ZNF624: variants seen among roughly 807,000 people sequenced by gnomAD.
ZNF624 encodes the protein zinc finger protein 624.
In ZNF624, 43 loss-of-function variants were observed where a neutral mutation model predicts 74.7. The ratio of observed to expected loss-of-function variants is 0.58; its 90% CI spans 0.45 to 0.74. ZNF624 has a LOEUF of 0.74. Ranked by LOEUF, ZNF624 falls within the 30% of genes least tolerant of loss-of-function variation. The pLI, the probability that ZNF624 is intolerant of heterozygous loss-of-function variation, is 0.00. For synonymous variants in ZNF624, 331 were observed against 341.3 expected (o/e 0.97, Z 0.33); for missense variants, 820 against 1,030.0 (o/e 0.80, Z 2.79).
intron 5 of ZNF624, among the ~76,000 whole-genome samples, chr17:16,628,775 TAA>T (rs373568155): frequency 1.4e-5 from 2 of 139,010 alleles, no homozygotes; most frequent in Middle Eastern, 3.5e-3. Flanking sequence ...CCACAAGAGA[TAA>T]AAAAAAAAAA....
chr17:16,624,675 G>T (rs979533007), intron 5 of ZNF624, 166 bp from the exon 6 acceptor site: 12 of 621,096 alleles, frequency 1.9e-5, no homozygotes, highest in African/African-American at 1.7e-4. Context: ...AAGGGAGGCT[G>T]GTTTAGCAAA....
At chr17:16,649,590 G>A (rs1909670222) in intron 2 of ZNF624, 68 bp downstream of exon 2, 2 of 1,423,200 alleles carry the variant, frequency 1.4e-6, no homozygotes, top group South Asian at 2.3e-5. Flanking sequence ...GAAGTCGCAA[G>A]CCTTCAGGCA....
At chr17:16,620,371 G>A (rs1908878166), downstream of ZNF624, among the ~76,000 whole-genome samples, 1 of 152,156 alleles carries the variant, frequency 6.6e-6, no homozygotes, top group Non-Finnish European at 1.5e-5. Flanking sequence ...GCAAAGTTCA[G>A]AAGCTTTACA....
At position 16,623,341 on chromosome 17, in the gene ZNF624, G is replaced by A. The variant is rs768684751; in HGVS notation, c.1545C>T (p.Phe515=). The change falls in exon 6 of 6, where the codon TTC becomes TTT. Residue 515 remains phenylalanine, a synonymous_variant. Transcript: ENST00000311331. The surrounding 1 kb of genome is among the most constrained non-coding windows in gnomAD (Gnocchi z 5.3). ...CGKAFNRIAN[F]TEHQRIHTGE... ...CTGTGTGAATTCGCTGATGTTCTGT[G>A]AAATTTGCGATGCGGTTGAATGCTT... is the stretch of plus-strand genomic sequence containing the variant. 1 of 1,613,238 alleles carries A rather than the reference G, an allele frequency of 6.2e-7. No individual in the cohort carries two copies. The highest frequency in any genetic ancestry group is 8.5e-7 in the Non-Finnish European group (1 of 1,179,500).
intron 3 of ZNF624, among the ~76,000 whole-genome samples, chr17:16,637,598 C>T (rs537939572): frequency 6.6e-6 from 1 of 152,120 alleles, no homozygotes; most frequent in African/African-American, 2.4e-5. Context: ...ACAAACCTGA[C>T]AAAAACAAGA....
intron 3 of ZNF624, among the ~76,000 whole-genome samples, chr17:16,640,991 A>G (rs1440365339): frequency 6.6e-6 from 1 of 152,204 alleles, no homozygotes; most frequent in Non-Finnish European, 1.5e-5. Flanking sequence ...AAAATGCCAC[A>G]TATACTACAG....
In ZNF624 at chr17:16,641,125, C is replaced by A. The variant is rs186331272; in HGVS notation, c.153+6204G>T. On this transcript the variant is annotated intron_variant, in intron 3 of 5. Transcript: ENST00000311331. ...CAAATATGTATTTGACAAAATTCAA[C>A]AAACTAAAAATAGAAGCAAACATCA... 5.0e-4 allele frequency among the ~76,000 whole-genome samples: 76 copies of A among 152,288 alleles called. 1 individual carries two copies. The highest frequency in any genetic ancestry group is 1.8e-3 in the African/African-American group (75 of 41,556).
chr17:16,646,651 C>T (rs1909600073), intron 3 of ZNF624, among the ~76,000 whole-genome samples: 2 of 152,156 alleles, frequency 1.3e-5, no homozygotes, highest in African/African-American at 4.8e-5. Flanking sequence ...GACAGTAATA[C>T]CATAACTTTG....
At chr17:16,644,639 T>C (rs1569047872) in intron 3 of ZNF624, among the ~76,000 whole-genome samples, 1 of 152,222 alleles carries the variant, frequency 6.6e-6, no homozygotes, top group Admixed American at 6.5e-5. Flanking sequence ...AAGTTTCTTT[T>C]TGATAGAGTT....
chr17:16,618,163 A>C (rs1908830683), downstream of ZNF624, among the ~76,000 whole-genome samples: 1 of 151,918 alleles, frequency 6.6e-6, no homozygotes, highest in Admixed American at 6.6e-5. Flanking sequence ...ACATGGGGAA[A>C]TCCCATCTCT....
intron 5 of ZNF624, among the ~76,000 whole-genome samples, chr17:16,631,163 C>T (rs1316116743): frequency 6.6e-6 from 1 of 151,872 alleles, no homozygotes; most frequent in Non-Finnish European, 1.5e-5. Flanking sequence ...TAAAAATAAC[C>T]CAAGGATAAA....
At chr17:16,650,637 C>G (rs1337740922) in intron 1 of ZNF624, among the ~76,000 whole-genome samples, 1 of 151,968 alleles carries the variant, frequency 6.6e-6, no homozygotes, top group Non-Finnish European at 1.5e-5. Flanking sequence ...GGTTCAAGAA[C>G]CAGGAGTGCC....
rs988385506 is a variant in ZNF624 at position 16,621,976 on chromosome 17, TAAGA to T, written c.*308_*311del. On this transcript the variant is annotated 3_prime_UTR_variant, in exon 6 of 6. Transcript: ENST00000311331. ...TATATAAAAAGCACCTCCAGGTTTA[TAAGA>T]AAAGACAGATAAATGAATAGAAAAA... is the stretch of plus-strand genomic sequence containing the variant. 2.2e-5 allele frequency: 4 copies of T among 178,928 alleles called. No homozygotes were observed. Among genetic ancestry groups the T allele is most frequent in the African/African-American group, 9.4e-5 (4 of 42,450 alleles). 11.1% of individuals were successfully genotyped at this position (178,928 alleles called of 1,614,324 possible).
At chr17:16,637,524 G>A (rs112232065) in intron 3 of ZNF624, among the ~76,000 whole-genome samples, 3,943 of 152,160 alleles carry the variant, frequency 0.026, 158 homozygotes, top group African/African-American at 0.09. Context: ...CAGAGATATA[G>A]ATCAATGGAA....
chr17:16,653,797 C>G lies in ZNF624; in HGVS notation c.-36G>C, dbSNP rs373611824. 6.5e-6 allele frequency: 1 copy of G among 152,860 alleles called. No homozygotes were observed. Among genetic ancestry groups the G allele is most frequent in the African/African-American group, 2.4e-5 (1 of 41,596 alleles). The allele number at this position is 152,860 out of a possible 1,614,324, so 9.5% of individuals were successfully genotyped here. ...CGAACTGAGGACAACTGAGGGAACT[C>G]GCAGAGCAGGGCGGGAACGCTTCCA... On this transcript the variant is annotated 5_prime_UTR_variant, in exon 1 of 6. Coordinates refer to ENST00000311331, the MANE Select transcript of ZNF624 (RefSeq NM_020787.4).
the ZNF624 span, among the ~76,000 whole-genome samples, chr17:16,615,056 G>T: frequency 0.23 from 35,202 of 152,030 alleles, 4,537 homozygotes; most frequent in East Asian, 0.35. Flanking sequence ...AGGGGGTGAA[G>T]TGGGGAATGG....
intron 3 of ZNF624, among the ~76,000 whole-genome samples, chr17:16,645,387 T>C (rs1731582736): frequency 6.6e-6 from 1 of 152,136 alleles, no homozygotes; most frequent in South Asian, 2.1e-4. Flanking sequence ...TATCTAGTTG[T>C]TTGTTGTTGG....
chr17:16,622,435 G>A lies in ZNF624; in HGVS notation c.2451C>T (p.Phe817=). 1 of 1,613,882 alleles carries A rather than the reference G, an allele frequency of 6.2e-7. No homozygotes were observed. Among genetic ancestry groups the A allele is most frequent in the South Asian group, 1.1e-5 (1 of 91,066 alleles). ...PYKCEECGKA[F]RTNSDFTVHL... is the part of the protein sequence containing the mutation. Reference sequence around the variant, plus strand: ...GTACAGTAAAGTCTGAGTTAGTTCTGAAGGCTTTTCCACATTCTTCACATT... The same window carrying A: ...GTACAGTAAAGTCTGAGTTAGTTCTAAAGGCTTTTCCACATTCTTCACATT... Residue 817 remains phenylalanine (F), a synonymous_variant, in exon 6 of 6, where the codon TTC becomes TTT. Coordinates refer to ENST00000311331, the MANE Select transcript of ZNF624 (RefSeq NM_020787.4).
At chr17:16,627,910 A>G (rs1909109250) in intron 5 of ZNF624, among the ~76,000 whole-genome samples, 1 of 152,186 alleles carries the variant, frequency 6.6e-6, no homozygotes, top group Admixed American at 6.5e-5. Context: ...ACCTCCTAAT[A>G]TTACTATAGA....
Sources: allele counts gnomAD v4.1 joint callset (sites outside exome capture counted in the v4.1 genomes callset), GRCh38; gene constraint gnomAD v4.1.1; non-coding constraint Gnocchi (gnomAD v3.1); transcripts MANE v1.5; gene names NCBI Gene and HGNC (gene_info 2026-07-23, HGNC 2026-07-21).